The following CFAP54 variants were observed in gnomAD, a reference collection of about 807,000 sequenced individuals.
CFAP54 encodes the protein cilia and flagella associated protein 54, also known as cilia- and flagella-associated protein 54.
CFAP54 carries 290 observed loss-of-function variants against 370.4 expected under a neutral mutation model. The ratio of observed to expected loss-of-function variants is 0.78; its 90% CI spans 0.71 to 0.86. The LOEUF (loss-of-function observed/expected upper bound fraction) is 0.86, where lower values mean the gene tolerates loss of function less well. Among genes scored for constraint, CFAP54 ranks in the 40% least tolerant of loss-of-function variants. The pLI is 0.00. For missense variants in CFAP54, 3,399 were observed against 3,528.7 expected (o/e 0.96, Z 0.93); for synonymous variants, 1,206 against 1,236.5 (o/e 0.98, Z 0.52).
intron 26 of CFAP54, among the ~76,000 whole-genome samples, chr12:96,611,455 C>A (rs138626604): frequency 1.1e-3 from 172 of 152,266 alleles, no homozygotes; most frequent in Non-Finnish European, 1.7e-3. Context: ...AGCAGAAAAG[C>A]TGAAAATTCT....
intron 9 of CFAP54, among the ~76,000 whole-genome samples, chr12:96,531,266 A>T (rs1236273237): frequency 1.3e-5 from 2 of 152,018 alleles, no homozygotes; most frequent in Non-Finnish European, 2.9e-5. Context: ...TCTTTTTTAT[A>T]ATCTTGTATA....
intron 45 of CFAP54, 103 bp from the exon 46 acceptor site, chr12:96,699,868 G>A: frequency 1.0e-6 from 1 of 955,934 alleles, no homozygotes; most frequent in South Asian, 1.7e-5. Context: ...ACATTAAGCA[G>A]AAACTTTGGA....
chr12:96,494,623 T>G (rs750941782), intron 1 of CFAP54, among the ~76,000 whole-genome samples: 1 of 152,058 alleles, frequency 6.6e-6, no homozygotes, highest in African/African-American at 2.4e-5. Flanking sequence ...TAAGATATTA[T>G]TCTGATGATC....
intron 56 of CFAP54, among the ~76,000 whole-genome samples, chr12:96,754,443 A>G (rs754945708): frequency 2.6e-5 from 4 of 152,174 alleles, no homozygotes; most frequent in Non-Finnish European, 5.9e-5. Flanking sequence ...CTGAGTATCT[A>G]TTAAATGCTA....
intron 11 of CFAP54, 61 bp from the exon 12 acceptor site, chr12:96,535,454 T>A: frequency 9.1e-7 from 1 of 1,101,272 alleles, no homozygotes; most frequent in South Asian, 1.4e-5. Flanking sequence ...TCTGTGCCTT[T>A]TCTATTTGAA....
intron 55 of CFAP54, among the ~76,000 whole-genome samples, chr12:96,749,286 A>G (rs773453014): frequency 1.3e-5 from 2 of 152,208 alleles, no homozygotes; most frequent in African/African-American, 2.4e-5. Flanking sequence ...TTTTACGAGG[A>G]CAAGTCTGTC....
chr12:96,804,131 GAAGA>G (rs1007667612), intron 63 of CFAP54, among the ~76,000 whole-genome samples: 1 of 152,020 alleles, frequency 6.6e-6, no homozygotes, highest in African/African-American at 2.4e-5. Context: ...AGAGCAAGCA[GAAGA>G]AAGAATCTCA....
At chr12:96,506,032 G>A (rs1033953131) in intron 3 of CFAP54, among the ~76,000 whole-genome samples, 1 of 152,068 alleles carries the variant, frequency 6.6e-6, no homozygotes, top group African/African-American at 2.4e-5. Flanking sequence ...TGCCACTGGG[G>A]AGCTTATAAC....
In CFAP54 at chr12:96,645,267, C is replaced by T. The variant is rs1281999751; in HGVS notation, c.4547+859C>T. ...TGTAGCTATTAAAAAGATACAAAAT[C>T]AATGAGCAAAAAGCACAAGCATTCT... On this transcript the variant is annotated intron_variant, in intron 33 of 67. Coordinates refer to ENST00000524981, the MANE Select transcript of CFAP54 (RefSeq NM_001306084.2). The T allele has an allele frequency of 1.9e-5, 8 of 412,036 alleles. 1 individual carries two copies. The highest frequency in any genetic ancestry group is 4.0e-5 in the Non-Finnish European group (8 of 202,406). The allele number at this position is 412,036 out of a possible 1,614,324, so 25.5% of individuals were successfully genotyped here. A position where few individuals can be genotyped will look rare whatever the true frequency, so the allele number is the denominator to read the frequency against.
At chr12:96,559,164 C>T (rs1337025802) in intron 17 of CFAP54, among the ~76,000 whole-genome samples, 1 of 152,014 alleles carries the variant, frequency 6.6e-6, no homozygotes, top group Non-Finnish European at 1.5e-5. Context: ...TGCAGTGAGC[C>T]AGGATCACTC....
chr12:96,596,016 T>C (rs906128437), intron 25 of CFAP54, among the ~76,000 whole-genome samples: 1 of 152,154 alleles, frequency 6.6e-6, no homozygotes, highest in African/African-American at 2.4e-5. Flanking sequence ...GCCCAATGTT[T>C]TGTTTTGAGG....
chr12:96,756,638 C>A lies in CFAP54; in HGVS notation c.7946+75C>A, dbSNP rs946796442. The A allele has an allele frequency of 6.2e-6, 6 of 961,316 alleles. No individual in the cohort carries two copies. The African/African-American group carries it at 6.6e-5, about 11-fold the overall frequency. The allele number at this position is 961,316 out of a possible 1,614,324, so 59.5% of individuals were successfully genotyped here. On this transcript the variant is annotated intron_variant, in intron 57 of 67. Transcript: ENST00000524981. ...GTGTTCTTGTAGTACATTGACCACT[C>A]AAGGCTGGATTGCTTGGGATGCCTT...
intron 50 of CFAP54, among the ~76,000 whole-genome samples, chr12:96,722,893 T>A (rs1272028632): frequency 6.6e-6 from 1 of 152,154 alleles, no homozygotes; most frequent in Non-Finnish European, 1.5e-5. Flanking sequence ...GGTCATTAAC[T>A]GAAATGGGGA....
At chr12:96,639,403 C>T (rs1257334683) in intron 32 of CFAP54, among the ~76,000 whole-genome samples, 1 of 152,188 alleles carries the variant, frequency 6.6e-6, no homozygotes, top group African/African-American at 2.4e-5. Flanking sequence ...TCTGAATAGA[C>T]GAATAACAGG....
At chr12:96,504,941 CTTTCTTTCTT>C (rs545845905) in intron 3 of CFAP54, among the ~76,000 whole-genome samples, 4,220 of 145,734 alleles carry the variant, frequency 0.029, 91 homozygotes, top group Non-Finnish European at 0.042. Context: ...CTTTCTTCCT[CTTTCTTTCTT>C]TTTCTTTCTT....
intron 3 of CFAP54, among the ~76,000 whole-genome samples, chr12:96,504,320 G>C (rs935093563): frequency 1.3e-5 from 2 of 151,266 alleles, no homozygotes; most frequent in Non-Finnish European, 2.9e-5. Flanking sequence ...AAACAAATTT[G>C]ATAAAGTAAT....
At chr12:96,796,211 C>T (rs1958760207) in intron 63 of CFAP54, among the ~76,000 whole-genome samples, 1 of 152,202 alleles carries the variant, frequency 6.6e-6, no homozygotes, top group Non-Finnish European at 1.5e-5. Flanking sequence ...TGGTATGTTC[C>T]TGTGTTAGTT....
chr12:96,653,126 C>A (rs532925383), intron 36 of CFAP54, among the ~76,000 whole-genome samples: 1 of 152,338 alleles, frequency 6.6e-6, no homozygotes, highest in Non-Finnish European at 1.5e-5. Context: ...CTCCATGTAC[C>A]TCTTCACTAG....
chr12:96,874,376 G>A (rs1208288443), intron 67 of CFAP54, among the ~76,000 whole-genome samples: 1 of 152,144 alleles, frequency 6.6e-6, no homozygotes, highest in African/African-American at 2.4e-5. Flanking sequence ...ATGAATCAGG[G>A]ACAGCCTGCA....
Sources: allele counts gnomAD v4.1 joint callset (sites outside exome capture counted in the v4.1 genomes callset), GRCh38; gene constraint gnomAD v4.1.1; transcripts MANE v1.5; gene names NCBI Gene and HGNC (gene_info 2026-07-23, HGNC 2026-07-21).